ZFHX3: variants seen among roughly 807,000 people sequenced by gnomAD.
ZFHX3 encodes the protein zinc finger homeobox 3.
Under a neutral mutation model 279.1 loss-of-function variants are expected in ZFHX3, and 42 were observed. The ratio of observed to expected loss-of-function variants is 0.15; its 90% CI spans 0.12 to 0.19. ZFHX3 has a LOEUF of 0.19. ZFHX3 is among the 10% of genes least tolerant of loss of function. The pLI is 1.00. For missense variants in ZFHX3, 4,981 were observed against 4,754.0 expected, an observed-to-expected ratio of 1.05 and a Z score of -1.40; for synonymous variants, 2,293 against 1,957.8, an observed-to-expected ratio of 1.17 and a Z score of -4.52.
intron 1 of ZFHX3, among the ~76,000 whole-genome samples, chr16:73,830,372 G>A (rs1279446914): frequency 4.0e-5 from 6 of 151,552 alleles, no homozygotes; most frequent in African/African-American, 9.7e-5. Context: ...CTTCTGCGTC[G>A]CTCACGCTGG....
exon 8 of ZFHX3, chr16:73,093,482 G>A (rs1054048892): frequency 2.0e-6 from 1 of 501,794 alleles, no homozygotes; most frequent in East Asian, 5.6e-5. Flanking sequence ...GAGCTTCCAG[G>A]TCCTGTAAGA....
At chr16:73,275,725 A>T (rs1433125270) in intron 4 of ZFHX3, among the ~76,000 whole-genome samples, 2 of 152,226 alleles carry the variant, frequency 1.3e-5, no homozygotes, top group Non-Finnish European at 2.9e-5. Flanking sequence ...ATTGCTAACA[A>T]ATGCTGATGC....
In ZFHX3 at chr16:73,812,284, A is replaced by C. The variant is rs962383071; in HGVS notation, c.-1608+79367T>G. Among the ~76,000 whole-genome samples, 47 of 151,678 alleles carry C rather than the reference A, an allele frequency of 3.1e-4. 1 individual carries two copies. The highest frequency in any genetic ancestry group is 3.0e-3 in the Admixed American group (45 of 15,232). ...ATGGCTGAAAATCTGTCCTGGAAAC[A>C]CTCTCACTTCCGCTTTGGGTGTTCT... is the stretch of plus-strand genomic sequence containing the variant. On this transcript the variant is annotated intron_variant, in intron 1 of 17. Transcript: ENST00000641206.
At chr16:72,851,902 T>C (rs2037628365) in intron 4 of ZFHX3, among the ~76,000 whole-genome samples, 1 of 152,208 alleles carries the variant, frequency 6.6e-6, no homozygotes, top group Admixed American at 6.5e-5. Context: ...ATGTGATATA[T>C]GCCAAAATTT....
intron 1 of ZFHX3, among the ~76,000 whole-genome samples, chr16:73,791,139 A>C (rs1959810323): frequency 6.6e-6 from 1 of 151,570 alleles, no homozygotes; most frequent in South Asian, 2.1e-4. Context: ...TAATTTTTCT[A>C]TTTTTTGTAG....
At chr16:72,970,655 T>A (rs953931621) in intron 1 of ZFHX3, among the ~76,000 whole-genome samples, 3 of 152,224 alleles carry the variant, frequency 2.0e-5, no homozygotes, top group African/African-American at 7.2e-5. Flanking sequence ...TCTGGCACTT[T>A]CCCGGCTAAA....
At chr16:73,571,773 A>C (rs897495670) in intron 2 of ZFHX3, among the ~76,000 whole-genome samples, 7 of 152,238 alleles carry the variant, frequency 4.6e-5, no homozygotes, top group South Asian at 2.1e-4. Flanking sequence ...ACACAAATCA[A>C]AATGTGTTGC....
chr16:72,796,990 C>G lies in ZFHX3; in HGVS notation c.5692G>C (p.Gly1898Arg), dbSNP rs373169704. 58 of 1,613,908 alleles carry G rather than the reference C, an allele frequency of 3.6e-5. No homozygotes were observed. The Admixed American group carries it at 6.7e-4, about 19-fold the overall frequency. The change falls in exon 9 of 10, where the codon GGG (glycine) becomes CGG (arginine). Residue 1898 changes from glycine to arginine, a missense_variant. By Grantham distance (125) the Gly-to-Arg change is moderately radical. Coordinates refer to ENST00000268489, the MANE Select transcript of ZFHX3 (RefSeq NM_006885.4). ...ESQRERDSAE[G>R]GEGNTGPKET... Reference sequence around the variant, plus strand: ...TTCGGACCGGTGTTGCCCTCTCCCCCCTCGGCGCTGTCCCTCTCTCTCTGG... The same window carrying G: ...TTCGGACCGGTGTTGCCCTCTCCCCGCTCGGCGCTGTCCCTCTCTCTCTGG...
intron 1 of ZFHX3, among the ~76,000 whole-genome samples, chr16:73,853,902 A>C (rs1961652928): frequency 6.6e-6 from 1 of 152,182 alleles, no homozygotes; most frequent in South Asian, 2.1e-4. Flanking sequence ...TATTGTTGTA[A>C]GTGACAATAG....
At chr16:73,283,011 A>G (rs1202750688) in intron 4 of ZFHX3, among the ~76,000 whole-genome samples, 1 of 152,240 alleles carries the variant, frequency 6.6e-6, no homozygotes, top group African/African-American at 2.4e-5. Context: ...CATCTCAGAC[A>G]GAGAAGTCAA....
At chr16:73,851,130 G>A (rs1961585113) in intron 1 of ZFHX3, among the ~76,000 whole-genome samples, 2 of 152,044 alleles carry the variant, frequency 1.3e-5, no homozygotes, top group Admixed American at 1.3e-4. Flanking sequence ...GGTTACGAAC[G>A]ATTTTTTTCT....
intron 5 of ZFHX3, among the ~76,000 whole-genome samples, chr16:73,202,907 CTTTTTTTTTTTTTTT>C (rs10718356): frequency 0.034 from 2,576 of 76,228 alleles, 106 homozygotes; most frequent in African/African-American, 0.11. Flanking sequence ...TTCTTTCTTT[CTTTTTTTTTTTTTTT>C]TTTTTGCCTC....
chr16:72,909,759 T>C (rs2039272386), intron 3 of ZFHX3, among the ~76,000 whole-genome samples: 1 of 150,544 alleles, frequency 6.6e-6, no homozygotes, highest in Non-Finnish European at 1.5e-5. Context: ...GCACCTGCAG[T>C]CCCAGCTACT....
intron 3 of ZFHX3, among the ~76,000 whole-genome samples, chr16:72,914,812 G>A (rs2039402155): frequency 6.6e-6 from 1 of 152,118 alleles, no homozygotes; most frequent in Admixed American, 6.5e-5. Context: ...CCAATACGGT[G>A]AAACCCTGTC....
chr16:72,903,096 G>C (rs1161782714), intron 3 of ZFHX3, among the ~76,000 whole-genome samples: 1 of 150,750 alleles, frequency 6.6e-6, no homozygotes, highest in African/African-American at 2.4e-5. Context: ...CCATGAGGAA[G>C]GGACACCATC....
chr16:72,934,672 C>CCTGTCGACTTGG (rs113839872), intron 3 of ZFHX3, among the ~76,000 whole-genome samples: 20,886 of 152,122 alleles, frequency 0.14, 2,084 homozygotes, highest in African/African-American at 0.27. Flanking sequence ...CCTTCACCTT[C>CCTGTCGACTTGG]ATAACTCTTG....
At chr16:73,845,205 C>T (rs1003300201) in intron 1 of ZFHX3, among the ~76,000 whole-genome samples, 1 of 152,078 alleles carries the variant, frequency 6.6e-6, no homozygotes. Context: ...CGTGGAGGAC[C>T]TGGAACCAGG....
intron 2 of ZFHX3, among the ~76,000 whole-genome samples, chr16:73,481,659 T>C (rs2018872102): frequency 6.6e-6 from 1 of 151,494 alleles, no homozygotes; most frequent in Non-Finnish European, 1.5e-5. Context: ...TTTGTTTGTT[T>C]GTTTGTTTGT....
intron 1 of ZFHX3, among the ~76,000 whole-genome samples, chr16:73,689,013 T>C (rs1010578380): frequency 6.6e-6 from 1 of 152,182 alleles, no homozygotes; most frequent in Non-Finnish European, 1.5e-5. Flanking sequence ...CTTGGGTATG[T>C]CTTTATCAGC....
Sources: allele counts gnomAD v4.1 joint callset (sites outside exome capture counted in the v4.1 genomes callset), GRCh38; gene constraint gnomAD v4.1.1; transcripts MANE v1.5; gene names NCBI Gene and HGNC (gene_info 2026-07-23, HGNC 2026-07-21).